The following GMCL1 variants were observed in gnomAD, a reference collection of about 807,000 sequenced individuals.
GMCL1 encodes germ cell-less protein-like 1.
GMCL1 carries 54 observed loss-of-function variants against 75.5 expected under a neutral mutation model. The observed-to-expected ratio is 0.71, with a 90% confidence interval of 0.57 to 0.90. The LOEUF (loss-of-function observed/expected upper bound fraction) is 0.90, where lower values mean the gene tolerates loss of function less well. Among genes scored for constraint, GMCL1 ranks in the 40% least tolerant of loss-of-function variants. GMCL1 has a pLI of 0.00. For synonymous variants in GMCL1, 210 were observed against 209.6 expected (o/e 1.00, Z -0.02); for missense variants, 537 against 622.7 (o/e 0.86, Z 1.47).
At chr2:69,874,312 C>G (rs1676063601) in intron 13 of GMCL1, among the ~76,000 whole-genome samples, 1 of 152,144 alleles carries the variant, frequency 6.6e-6, no homozygotes, top group Non-Finnish European at 1.5e-5. Context: ...TTTTTCATCT[C>G]TATCCCAGCG....
At position 69,829,714 on chromosome 2, in the gene GMCL1, C is replaced by T. The variant is rs540292759; in HGVS notation, c.-179C>T. 4.4e-6 allele frequency: 3 copies of T among 688,452 alleles called. No homozygotes were observed. Among genetic ancestry groups the T allele is most frequent in the East Asian group, 3.0e-5 (1 of 33,142 alleles). 42.6% of individuals were successfully genotyped at this position (688,452 alleles called of 1,614,324 possible). A position where few individuals can be genotyped will look rare whatever the true frequency, so the allele number is the denominator to read the frequency against. On this transcript the variant is annotated 5_prime_UTR_variant, in exon 1 of 14. Transcript: ENST00000282570. The stretch of plus-strand genomic sequence containing the variant: ...GCTGCGGTGCTAGAGCGCGGCGCGA[C>T]CGGACGCTGCGGGCGGGGAAGAGGA...
intron 13 of GMCL1, among the ~76,000 whole-genome samples, chr2:69,878,502 A>G (rs1676188175): frequency 6.6e-6 from 1 of 152,204 alleles, no homozygotes; most frequent in Non-Finnish European, 1.5e-5. Flanking sequence ...TAATTAATTA[A>G]TTTTGTAAAA....
chr2:69,830,721 T>TGTA (rs1674647343), intron 1 of GMCL1, among the ~76,000 whole-genome samples: 1 of 132,686 alleles, frequency 7.5e-6, no homozygotes, highest in Admixed American at 1.1e-4. Flanking sequence ...TGACCGTGGA[T>TGTA]GTACTGTATG....
intron 8 of GMCL1, among the ~76,000 whole-genome samples, chr2:69,851,666 G>T (rs1030647287): frequency 3.3e-5 from 5 of 151,996 alleles, no homozygotes; most frequent in Non-Finnish European, 5.9e-5. Flanking sequence ...CCCAGCTACT[G>T]GGGGGAGGAT....
Position 69,849,704 on chromosome 2 carries a change from T to C in GMCL1, c.896T>C (p.Leu299Ser), listed in dbSNP as rs1441849841. ...TGGAATGGATCTTTAAAACAGCTTT[T>C]GACAGAAACAGATGTCTGGTTTTCT... ...PSWNGSLKQL[L>S]TETDVWFSKQ... The change falls in exon 8 of 14, where the codon TTG (leucine) becomes TCG (serine). Residue 299 changes from leucine to serine, a missense_variant. Physicochemically the swap from Leu to Ser is moderately radical, Grantham distance 145. Coordinates refer to ENST00000282570, the MANE Select transcript of GMCL1 (RefSeq NM_178439.5). The C allele has an allele frequency of 6.3e-7, 1 of 1,594,520 alleles. No individual in the cohort carries two copies. The highest frequency in any genetic ancestry group is 8.5e-7 in the Non-Finnish European group (1 of 1,171,578).
At chr2:69,864,590 C>CTTTTT (rs534389389) in intron 10 of GMCL1, among the ~76,000 whole-genome samples, 5 of 88,346 alleles carry the variant, frequency 5.7e-5, no homozygotes, top group African/African-American at 1.3e-4. Flanking sequence ...TAGACTTTTA[C>CTTTTT]TTTTTTTTTT....
chr2:69,833,795 T>TC (rs1674741935), intron 1 of GMCL1, among the ~76,000 whole-genome samples: 1 of 152,240 alleles, frequency 6.6e-6, no homozygotes, highest in Non-Finnish European at 1.5e-5. Context: ...AACTGCATGT[T>TC]CTACTTTTAC....
At chr2:69,834,472 T>G (rs1330100597) in intron 1 of GMCL1, among the ~76,000 whole-genome samples, 1 of 152,188 alleles carries the variant, frequency 6.6e-6, no homozygotes. Context: ...AAATATAAAT[T>G]TAGTCTCTTT....
At chr2:69,861,606 T>C (rs1366889902) in intron 10 of GMCL1, among the ~76,000 whole-genome samples, 1 of 152,258 alleles carries the variant, frequency 6.6e-6, no homozygotes, top group Non-Finnish European at 1.5e-5. Flanking sequence ...ATATATACTT[T>C]GTTTCACTTA....
chr2:69,848,518 G>A (rs1675219176), intron 7 of GMCL1, among the ~76,000 whole-genome samples: 1 of 152,124 alleles, frequency 6.6e-6, no homozygotes, highest in Non-Finnish European at 1.5e-5. Flanking sequence ...ATCAGCTTGG[G>A]TAACATGGCA....
chr2:69,841,319 A>G (rs908755993), intron 4 of GMCL1, among the ~76,000 whole-genome samples: 4 of 152,198 alleles, frequency 2.6e-5, no homozygotes, highest in Non-Finnish European at 5.9e-5. Context: ...GTCTAAGGTC[A>G]TTTACAGATT....
intron 1 of GMCL1, among the ~76,000 whole-genome samples, chr2:69,836,378 A>G (rs148193384): frequency 3.9e-4 from 60 of 152,324 alleles, no homozygotes; most frequent in Middle Eastern, 6.8e-3. Flanking sequence ...TGGGAAGCCA[A>G]CATGTGTACA....
At chr2:69,865,731 C>T (rs1675797311) in intron 11 of GMCL1, among the ~76,000 whole-genome samples, 1 of 152,110 alleles carries the variant, frequency 6.6e-6, no homozygotes, top group Admixed American at 6.5e-5. Flanking sequence ...ATACTTACCC[C>T]TGTGCATCCA....
intron 11 of GMCL1, 107 bp from the exon 12 acceptor site, chr2:69,869,612 A>T: frequency 9.2e-7 from 1 of 1,089,538 alleles, no homozygotes; most frequent in Non-Finnish European, 1.3e-6. Context: ...ACCACCCATG[A>T]GGGAAATACT....
intron 12 of GMCL1, among the ~76,000 whole-genome samples, chr2:69,870,687 CA>C (rs1384379999): frequency 1.3e-5 from 2 of 152,058 alleles, no homozygotes; most frequent in Non-Finnish European, 2.9e-5. Context: ...CAACTCAGCT[CA>C]AAAATGGGCC....
Position 69,851,540 on chromosome 2 carries a change from G to A in GMCL1, c.934+1798G>A, listed in dbSNP as rs1675320970. 3.9e-5 allele frequency among the ~76,000 whole-genome samples: 6 copies of A among 152,172 alleles called. No individual in the cohort carries two copies. In the South Asian group the frequency reaches 1.2e-3, roughly 32 times the overall value. On this transcript the variant is annotated intron_variant, in intron 8 of 13. Coordinates refer to ENST00000282570, the MANE Select transcript of GMCL1 (RefSeq NM_178439.5). ...GAGGAGAATCGCTGGAAACCAGAAGGCGGAAGTTGCAGGGGGCCGAGATTG... is the reference window on the plus strand; with the variant it reads ...GAGGAGAATCGCTGGAAACCAGAAGACGGAAGTTGCAGGGGGCCGAGATTG...
At chr2:69,877,324 C>T (rs1441692871) in intron 13 of GMCL1, among the ~76,000 whole-genome samples, 4 of 152,190 alleles carry the variant, frequency 2.6e-5, no homozygotes, top group Non-Finnish European at 2.9e-5. Flanking sequence ...GTGATATCCA[C>T]GTGCCTTCCT....
intron 8 of GMCL1, among the ~76,000 whole-genome samples, chr2:69,852,285 G>T (rs1675339462): frequency 6.6e-6 from 1 of 152,174 alleles, no homozygotes; most frequent in African/African-American, 2.4e-5. Flanking sequence ...AGCAAGCTGT[G>T]GTCCACTTCT....
rs1675767710 is a variant in GMCL1 at position 69,864,974 on chromosome 2, A to G, written c.1217A>G (p.Glu406Gly). ...RCGRKLAKDGEYCWRWTGFNF... is the reference protein window; with the variant it reads ...RCGRKLAKDGGYCWRWTGFNF... ...GGTAGAAAGCTTGCCAAAGATGGTG[A>G]AGTAAGTATGGGTTGTGACTGTTAA... Residue 406 changes from glutamate to glycine, a missense_variant and splice_region_variant, in exon 11 of 14, where the codon GAA becomes GGA. Around this residue, in one of 3 missense-constraint regions of GMCL1, gnomAD observed 345 missense variants for 410.5 expected, o/e 0.84. Coordinates refer to ENST00000282570, the MANE Select transcript of GMCL1 (RefSeq NM_178439.5). The G allele has an allele frequency of 6.2e-7, 1 of 1,608,624 alleles. No individual in the cohort carries two copies. Among genetic ancestry groups the G allele is most frequent in the African/African-American group, 1.3e-5 (1 of 74,808 alleles).
Sources: gnomAD v4.1 joint callset for allele counts (sites outside exome capture counted in the v4.1 genomes callset) on GRCh38, gnomAD v4.1.1 for gene constraint, gnomAD v4.1.1 regional missense constraint, MANE v1.5 for transcripts, NCBI Gene and HGNC (gene_info 2026-07-23, HGNC 2026-07-21) for gene names.